Variants in SPG11 observed in about 807,000 individuals in gnomAD.
SPG11 encodes the protein SPG11 vesicle trafficking associated, spatacsin, also known as spatacsin.
A neutral mutation model predicts 274.0 loss-of-function variants in SPG11; 222 were observed. The observed-to-expected ratio is 0.81, with a 90% CI of 0.73 to 0.91. The LOEUF is 0.91. Ranked by LOEUF, SPG11 falls within the 40% of genes least tolerant of loss-of-function variation. SPG11 has a pLI of 0.00. For missense variants in SPG11, 3,114 were observed against 2,872.7 expected, an observed-to-expected ratio of 1.08 and a Z score of -1.92; for synonymous variants, 1,144 against 1,039.7, an observed-to-expected ratio of 1.10 and a Z score of -1.93.
rs2084801193 is a variant in SPG11, at chr15:44,652,150, T to C, written c.986A>G (p.Lys329Arg). Residue 329 changes from lysine (K) to arginine (R), a missense_variant, in exon 5 of 40, where the codon AAG becomes AGG. Coordinates refer to ENST00000261866, the MANE Select transcript of SPG11 (RefSeq NM_025137.4). ...VNSAYNMKLA[K>R]FSFQIDRSWK... Reference sequence around the variant, plus strand: ...GTACCTATCAATTTGGAAGGAAAACTTGGCCAGTTTCATGTTGTAGGCAGA... The same window carrying C: ...GTACCTATCAATTTGGAAGGAAAACCTGGCCAGTTTCATGTTGTAGGCAGA... 1.2e-6 allele frequency: 2 copies of C among 1,614,150 alleles called. No homozygotes were observed. The highest frequency in any genetic ancestry group is 1.7e-6 in the Non-Finnish European group (2 of 1,180,016).
rs150447301 is a variant in SPG11 at position 44,605,044 on chromosome 15, A to T, written c.3520+981T>A. 9.5e-3 allele frequency among the ~76,000 whole-genome samples: 1,445 copies of T among 151,884 alleles called. 8 individuals carry two copies. The highest frequency in any genetic ancestry group is 0.012 in the Non-Finnish European group (793 of 67,970). On this transcript the variant is annotated intron_variant, in intron 20 of 39. Coordinates refer to ENST00000261866, the MANE Select transcript of SPG11 (RefSeq NM_025137.4). Reference sequence around the variant, plus strand: ...TAAACTTCTAAAAACAGCAGGGAACATGCTTTCAACTTCTCTGTGCCTCTA... The same window carrying T: ...TAAACTTCTAAAAACAGCAGGGAACTTGCTTTCAACTTCTCTGTGCCTCTA...
chr15:44,566,105 T>C, intron 37 of SPG11, 96 bp from the exon 38 acceptor site: 1 of 1,593,014 alleles, frequency 6.3e-7, no homozygotes, highest in South Asian at 1.1e-5. Flanking sequence ...CTGTTCCTGG[T>C]TGGCCTATGA....
chr15:44,598,283 T>A lies in SPG11; in HGVS notation c.3983A>T (p.Gln1328Leu), dbSNP rs1234791057. The A allele has an allele frequency of 6.2e-7, 1 of 1,613,524 alleles. No homozygotes were observed. Among genetic ancestry groups the A allele is most frequent in the South Asian group, 1.1e-5 (1 of 91,078 alleles). Residue 1328 changes from glutamine to leucine, a missense_variant, in exon 23 of 40, where the codon CAG (glutamine) becomes CTG (leucine). By Grantham distance (113) the Gln-to-Leu change is moderately radical (BLOSUM62 -2). Coordinates refer to ENST00000261866, the MANE Select transcript of SPG11 (RefSeq NM_025137.4). ...CACAAACCTCTTTATTTCCTGTTGCTGAATGCTGTTCCATGTACCTTCTTC... is the reference window on the plus strand; with the variant it reads ...CACAAACCTCTTTATTTCCTGTTGCAGAATGCTGTTCCATGTACCTTCTTC... ...LLEEGTWNSIQQQEIKRLSSE... is the reference protein window; with the variant it reads ...LLEEGTWNSILQQEIKRLSSE...
At chr15:44,660,261 T>C (rs992300513) in intron 2 of SPG11, among the ~76,000 whole-genome samples, 171 bp downstream of exon 2, 1 of 152,206 alleles carries the variant, frequency 6.6e-6, no homozygotes, top group Non-Finnish European at 1.5e-5. Context: ...ACAAAGTACA[T>C]CTTAATTCAT....
intron 3 of SPG11, among the ~76,000 whole-genome samples, chr15:44,658,229 C>T (rs1348629265): frequency 6.6e-6 from 1 of 152,004 alleles, no homozygotes; most frequent in Non-Finnish European, 1.5e-5. Context: ...ATATAAAAAC[C>T]ATTATTTTAA....
At chr15:44,599,636 A>G (rs764400780) in intron 21 of SPG11, among the ~76,000 whole-genome samples, 2 of 152,158 alleles carry the variant, frequency 1.3e-5, no homozygotes, top group Non-Finnish European at 2.9e-5. Flanking sequence ...ACCATGTGGA[A>G]TGGGAAGCTG....
At position 44,648,923 on chromosome 15, in the gene SPG11, G is replaced by A; in HGVS notation, c.1545C>T (p.Asp515=). The A allele has an allele frequency of 1.9e-6, 3 of 1,614,090 alleles. No individual in the cohort carries two copies. The highest frequency in any genetic ancestry group is 2.5e-6 in the Non-Finnish European group (3 of 1,179,968). The change falls in exon 7 of 40, where the codon GAC becomes GAT. Residue 515 remains aspartate (D), a synonymous_variant. Coordinates refer to ENST00000261866, the MANE Select transcript of SPG11 (RefSeq NM_025137.4). ...CCCAGCCATTGAGATGACAAAGAGT[G>A]TCCACAGTGCTGGCACTTCCATGGA... ...LMIHGSASTV[D]TLCHLNGWGR... is the part of the protein sequence containing the mutation.
At chr15:44,654,153 T>A (rs540978824) in intron 4 of SPG11, among the ~76,000 whole-genome samples, 2 of 152,260 alleles carry the variant, frequency 1.3e-5, no homozygotes, top group South Asian at 4.2e-4. Context: ...AAAGATTAAG[T>A]CAGGTATGTC....
At chr15:44,603,319 C>T (rs1188415619) in intron 20 of SPG11, among the ~76,000 whole-genome samples, 2 of 152,156 alleles carry the variant, frequency 1.3e-5, no homozygotes, top group African/African-American at 4.8e-5. Context: ...TCTTGAATTC[C>T]TCGCCTCAAG....
chr15:44,572,451 A>G (rs1484747628), intron 33 of SPG11: 1 of 532,118 alleles, frequency 1.9e-6, no homozygotes, highest in Non-Finnish European at 3.4e-6. Flanking sequence ...TGAAATAAGT[A>G]TGTTGAGTAA....
intron 7 of SPG11, among the ~76,000 whole-genome samples, chr15:44,636,943 A>AAC (rs2084285580): frequency 1.7e-5 from 2 of 116,034 alleles, no homozygotes; most frequent in African/African-American, 3.5e-5. Flanking sequence ...AAAAAAAAAA[A>AAC]AAAAAAAAAA....
chr15:44,581,456 C>T (rs1426870139), intron 30 of SPG11, among the ~76,000 whole-genome samples: 1 of 152,062 alleles, frequency 6.6e-6, no homozygotes, highest in Non-Finnish European at 1.5e-5. Flanking sequence ...ATCTGCCTGC[C>T]TCAGCCTCCC....
Position 44,651,894 on chromosome 15 carries a change from GTTCT to G in SPG11, c.1049_1052del (p.Lys350ThrfsTer41), listed in dbSNP as rs745997870. The G allele has an allele frequency of 6.2e-7, 1 of 1,612,624 alleles. No individual in the cohort carries two copies. The highest frequency in any genetic ancestry group is 1.1e-5 in the South Asian group (1 of 90,912). On this transcript the variant is annotated frameshift_variant, in exon 6 of 40. Transcript: ENST00000261866. LOFTEE classifies it high-confidence loss of function. Reference sequence around the variant, plus strand: ...CACAACAGGAAACCTCCAGTTTGGAGTTCTTTATTGTTTCATTCAATGATGATAG... The same window carrying G: ...CACAACAGGAAACCTCCAGTTTGGAGTTATTGTTTCATTCAATGATGATAG...
Position 44,620,243 on chromosome 15 carries a change from C to T in SPG11, c.2781G>A (p.Gln927=), listed in dbSNP as rs373088911. ...WPLLTVDVIN[Q]NTSCNNYMRN... ...TCATGTAGTTGTTACAGGAAGTATT[C>T]TGGTTAATAACATCAACAGTCAGAA... Residue 927 remains glutamine (Q), a synonymous_variant, in exon 15 of 40, where the codon CAG becomes CAA. Transcript: ENST00000261866. 1.9e-6 allele frequency: 3 copies of T among 1,613,884 alleles called. No homozygotes were observed. The African/African-American group carries it at 4.0e-5, about 22-fold the overall frequency.
intron 6 of SPG11, among the ~76,000 whole-genome samples, chr15:44,650,662 A>G (rs1194636709): frequency 6.6e-6 from 1 of 151,992 alleles, no homozygotes; most frequent in African/African-American, 2.4e-5. Flanking sequence ...AAGAGAAATA[A>G]AATGGCCCAT....
At chr15:44,601,192 C>T (rs996256621) in intron 20 of SPG11, among the ~76,000 whole-genome samples, 3 of 152,044 alleles carry the variant, frequency 2.0e-5, no homozygotes, top group African/African-American at 4.8e-5. Context: ...GGTCTTGACA[C>T]CACTAGCTGC....
intron 14 of SPG11, 157 bp from the exon 15 acceptor site, chr15:44,620,560 G>C: frequency 3.1e-6 from 2 of 644,680 alleles, no homozygotes; most frequent in East Asian, 5.9e-5. Flanking sequence ...TCCTTTTTTT[G>C]AGACAGGATC....
At chr15:44,606,430 A>G (rs2140995127) in intron 19 of SPG11, among the ~76,000 whole-genome samples, 1 of 152,316 alleles carries the variant, frequency 6.6e-6, no homozygotes, top group African/African-American at 2.4e-5. Flanking sequence ...CAAGAGGGCT[A>G]AAAGACTAGA....
chr15:44,639,977 G>A (rs909042663), intron 7 of SPG11, among the ~76,000 whole-genome samples: 1 of 152,136 alleles, frequency 6.6e-6, no homozygotes, highest in Admixed American at 6.6e-5. Flanking sequence ...TTGGGAGGCC[G>A]AGGCAGGCAG....
Sources: allele counts gnomAD v4.1 joint callset (sites outside exome capture counted in the v4.1 genomes callset), GRCh38; gene constraint gnomAD v4.1.1; transcripts MANE v1.5; gene names NCBI Gene and HGNC (gene_info 2026-07-23, HGNC 2026-07-21).